CEP128: variants seen among roughly 807,000 people sequenced by gnomAD.
CEP128 encodes centrosomal protein 128.
CEP128 carries 132 observed loss-of-function variants against 156.7 expected under a neutral mutation model. The ratio of observed to expected loss-of-function variants is 0.84; its 90% confidence interval spans 0.73 to 0.97. The LOEUF (loss-of-function observed/expected upper bound fraction) is 0.97. Among genes scored for constraint, CEP128 ranks in the 50% least tolerant of loss-of-function variants. CEP128 has a pLI of 0.00. For missense variants in CEP128, 1,252 were observed against 1,281.9 expected (o/e 0.98, Z 0.36); for synonymous variants, 469 against 448.9 (o/e 1.04, Z -0.57).
intron 19 of CEP128, among the ~76,000 whole-genome samples, chr14:80,698,917 C>T (rs1341692592): frequency 6.6e-6 from 1 of 151,966 alleles, no homozygotes; most frequent in Non-Finnish European, 1.5e-5. Flanking sequence ...TTCTAGATTA[C>T]TAGAGTAGCA....
At chr14:80,518,721 C>T (rs183047366) in intron 23 of CEP128, among the ~76,000 whole-genome samples, 299 of 152,284 alleles carry the variant, frequency 2.0e-3, no homozygotes, top group Admixed American at 7.9e-3. Flanking sequence ...GATTCAACCA[C>T]TCACATTTAT....
chr14:80,816,066 T>C (rs1033879450), intron 13 of CEP128, among the ~76,000 whole-genome samples: 14 of 152,166 alleles, frequency 9.2e-5, no homozygotes, highest in Admixed American at 2.6e-4. Flanking sequence ...AATATATCCA[T>C]GTAAGAAAAC....
chr14:80,659,581 G>A (rs145542288), intron 19 of CEP128, among the ~76,000 whole-genome samples: 30 of 152,130 alleles, frequency 2.0e-4, no homozygotes, highest in African/African-American at 1.9e-4. Flanking sequence ...TTGAGAGTTC[G>A]CCCACTTTAA....
intron 21 of CEP128, among the ~76,000 whole-genome samples, chr14:80,556,620 ATCT>A (rs899356792): frequency 9.9e-5 from 15 of 152,150 alleles, no homozygotes; most frequent in African/African-American, 3.4e-4. Flanking sequence ...TGAAAAGGTG[ATCT>A]TCTTTTCAGG....
chr14:80,746,649 C>T (rs1899115208), intron 18 of CEP128, among the ~76,000 whole-genome samples: 1 of 152,110 alleles, frequency 6.6e-6, no homozygotes, highest in African/African-American at 2.4e-5. Context: ...TGAAAGAAAA[C>T]ACAGGCATAA....
intron 19 of CEP128, among the ~76,000 whole-genome samples, chr14:80,705,527 T>C (rs568793863): frequency 2.0e-5 from 3 of 152,078 alleles, no homozygotes; most frequent in South Asian, 2.1e-4. Context: ...CATCAAGAGG[T>C]TGAAGAAAAG....
chr14:80,654,098 A>C (rs987411252), intron 19 of CEP128, among the ~76,000 whole-genome samples: 3 of 152,132 alleles, frequency 2.0e-5, no homozygotes, highest in African/African-American at 7.2e-5. Context: ...AGGAGGCTTG[A>C]GGAATTCAGT....
At chr14:80,781,874 T>A (rs537111058) in intron 15 of CEP128, among the ~76,000 whole-genome samples, 21 of 152,300 alleles carry the variant, frequency 1.4e-4, no homozygotes, top group African/African-American at 4.3e-4. Context: ...ATGCTCTAAC[T>A]GAAAAAATTA....
chr14:80,799,187 G>C (rs973390791), intron 13 of CEP128, among the ~76,000 whole-genome samples: 4 of 152,198 alleles, frequency 2.6e-5, no homozygotes, highest in Non-Finnish European at 4.4e-5. Flanking sequence ...GTTGTTGCCG[G>C]AAGTCAGGGA....
At chr14:80,783,117 C>T (rs1442469710) in intron 15 of CEP128, among the ~76,000 whole-genome samples, 1 of 152,150 alleles carries the variant, frequency 6.6e-6, no homozygotes, top group African/African-American at 2.4e-5. Flanking sequence ...TCCACCTAGA[C>T]TTTCTTGGTT....
intron 19 of CEP128, among the ~76,000 whole-genome samples, chr14:80,699,664 T>G (rs1318843713): frequency 1.1e-3 from 4 of 3,670 alleles, no homozygotes; most frequent in Admixed American, 4.4e-3. Context: ...AGATTAAACC[T>G]ATTAAACCTG....
chr14:80,492,254 A>G (rs1887349644), downstream of CEP128, among the ~76,000 whole-genome samples: 1 of 152,254 alleles, frequency 6.6e-6, no homozygotes, highest in South Asian at 2.1e-4. Context: ...ATACTGTATT[A>G]AAAATAGCTG....
intron 16 of CEP128, among the ~76,000 whole-genome samples, chr14:80,772,619 T>C (rs76825956): frequency 3.0e-3 from 457 of 152,260 alleles, no homozygotes; most frequent in Non-Finnish European, 3.5e-3. Flanking sequence ...CTGTGACACA[T>C]GCCTACTAGG....
chr14:80,869,204 C>G (rs1887913974), intron 8 of CEP128, among the ~76,000 whole-genome samples: 2 of 151,924 alleles, frequency 1.3e-5, no homozygotes, highest in African/African-American at 4.8e-5. Context: ...AGAACATTCT[C>G]CAGGATAGAT....
intron 6 of CEP128, among the ~76,000 whole-genome samples, chr14:80,901,360 TAAAC>T (rs1256063827): frequency 2.0e-5 from 3 of 152,330 alleles, no homozygotes; most frequent in Admixed American, 2.0e-4. Flanking sequence ...AAAACTACGT[TAAAC>T]AGACTTGCAG....
rs538286048 is a variant in CEP128 at position 80,816,025 on chromosome 14, C to CA, written c.1209+15117dup. On this transcript the variant is annotated intron_variant, in intron 13 of 24. Transcript: ENST00000555265. ...GTGTATTATTCCCATGATGGCAACA[C>CA]AAAAAAAAAACCCAGACTTCACCAT... 1.3e-3 allele frequency among the ~76,000 whole-genome samples: 184 copies of CA among 143,980 alleles called. 4 individuals are homozygous for CA. In the South Asian group the frequency reaches 0.018, roughly 14 times the overall value. 94.5% of individuals were successfully genotyped at this position (143,980 alleles called of 152,430 possible).
chr14:80,756,034 T>A (rs1459580866), intron 18 of CEP128, among the ~76,000 whole-genome samples: 2 of 152,218 alleles, frequency 1.3e-5, no homozygotes, highest in Non-Finnish European at 2.9e-5. Flanking sequence ...TCAGAAATGA[T>A]AAAGATTTTA....
At position 80,480,806 on chromosome 14, in the gene CEP128, T is replaced by A. The variant is rs377141290; in HGVS notation, c.*311-2399A>T. On this transcript the variant is annotated intron_variant and NMD_transcript_variant, in intron 14 of 14. Coordinates refer to the CEP128 transcript ENST00000554502. ...CTTCTCAAGTTCAAAGTTCCACAGA[T>A]CTCTAGGACAGGGGCAAAATGCAGC... 8.5e-5 allele frequency among the ~76,000 whole-genome samples: 13 copies of A among 152,224 alleles called. No individual in the cohort carries two copies. In the East Asian group the frequency reaches 1.9e-3, roughly 23 times the overall value.
intron 4 of CEP128, among the ~76,000 whole-genome samples, chr14:80,911,459 T>C (rs1383364642): frequency 6.6e-6 from 1 of 152,252 alleles, no homozygotes; most frequent in Non-Finnish European, 1.5e-5. Context: ...TGAGCTGTGA[T>C]TGTACCACTG....
Sources: allele counts gnomAD v4.1 joint callset (sites outside exome capture counted in the v4.1 genomes callset), GRCh38; gene constraint gnomAD v4.1.1; transcripts MANE v1.5; gene names NCBI Gene and HGNC (gene_info 2026-07-23, HGNC 2026-07-21).